Variants in BATF3 observed in about 807,000 individuals in gnomAD.
The protein encoded by BATF3 is basic leucine zipper ATF-like transcription factor 3, also known as basic leucine zipper transcriptional factor ATF-like 3.
Under a neutral mutation model 16.1 loss-of-function variants are expected in BATF3, and 8 were observed. The observed-to-expected ratio is 0.50, with a 90% CI of 0.29 to 0.90. The LOEUF (loss-of-function observed/expected upper bound fraction) is 0.90. Ranked by LOEUF, BATF3 falls within the 40% of genes least tolerant of loss-of-function variation. The pLI is 0.08. For missense variants in BATF3, 139 were observed against 167.0 expected (o/e 0.83, Z 0.92); for synonymous variants, 74 against 72.7 (o/e 1.02, Z -0.09).
intron 2 of BATF3, among the ~76,000 whole-genome samples, chr1:212,694,448 T>C (rs1384559406): frequency 1.3e-5 from 2 of 152,146 alleles, no homozygotes; most frequent in East Asian, 3.9e-4. Flanking sequence ...AATGCCTTGG[T>C]ATTTGTGAAA....
intron 2 of BATF3, among the ~76,000 whole-genome samples, chr1:212,695,684 T>A (rs1351332787): frequency 6.6e-6 from 1 of 151,844 alleles, no homozygotes; most frequent in Non-Finnish European, 1.5e-5. Flanking sequence ...TAAACTAAAA[T>A]CTTTAATTAC....
intron 1 of BATF3, chr1:212,698,211 A>C (rs1278213943): frequency 1.3e-5 from 2 of 152,250 alleles, no homozygotes; most frequent in African/African-American, 4.8e-5. Context: ...TGATAAACAA[A>C]ACCAGAACAT....
At chr1:212,696,628 G>A (rs765771721) in intron 2 of BATF3, among the ~76,000 whole-genome samples, 4 of 152,062 alleles carry the variant, frequency 2.6e-5, no homozygotes, top group Non-Finnish European at 5.9e-5. Flanking sequence ...AGATGTTAGC[G>A]GATTACTTTG....
At chr1:212,694,840 G>A (rs1657087396) in intron 2 of BATF3, among the ~76,000 whole-genome samples, 1 of 152,194 alleles carries the variant, frequency 6.6e-6, no homozygotes, top group Non-Finnish European at 1.5e-5. Context: ...AGAGACCTCA[G>A]TCTCTTTCTA....
At chr1:212,695,790 A>T (rs1311016283) in intron 2 of BATF3, among the ~76,000 whole-genome samples, 1 of 152,236 alleles carries the variant, frequency 6.6e-6, no homozygotes, top group Non-Finnish European at 1.5e-5. Context: ...GGTATGGAGC[A>T]GCTCCACGTC....
chr1:212,691,293 CACAAGTTAGAAAACTG>C (rs1157468632), intron 2 of BATF3, among the ~76,000 whole-genome samples: 1 of 152,188 alleles, frequency 6.6e-6, no homozygotes, highest in African/African-American at 2.4e-5. Flanking sequence ...GACCCCATTT[CACAAGTTAGAAAACTG>C]AAGCTCTGAG....
intron 2 of BATF3, among the ~76,000 whole-genome samples, chr1:212,693,917 CTA>C (rs1428186662): frequency 6.6e-6 from 1 of 152,216 alleles, no homozygotes; most frequent in Non-Finnish European, 1.5e-5. Context: ...GAACCTGCGA[CTA>C]TGTCACCTTA....
chr1:212,697,087 G>A (rs375010561), intron 1 of BATF3, 22 bp from the exon 2 acceptor site: 16 of 1,586,154 alleles, frequency 1.0e-5, no homozygotes, highest in Non-Finnish European at 1.2e-5. Context: ...CACTGGGTGG[G>A]TGTGATGTCG....
Position 212,687,992 on chromosome 1 carries a change from AAAGAAAGGAAGG to A in BATF3, c.196-1025_196-1014del, listed in dbSNP as rs1291455028. On this transcript the variant is annotated intron_variant, in intron 2 of 2. Coordinates refer to ENST00000243440, the MANE Select transcript of BATF3 (RefSeq NM_018664.3). ...AAAAGAAAGAAAGAAAGAAAGAAAG[AAAGAAAGGAAGG>A]AAGGAAGGAAGGAAGGAAGGAAGGA... Among the ~76,000 whole-genome samples, 390 of 130,386 alleles carry A rather than the reference AAAGAAAGGAAGG, an allele frequency of 3.0e-3. 3 individuals are homozygous for A. Among genetic ancestry groups the A allele is most frequent in the Non-Finnish European group, 5.1e-3 (314 of 61,470 alleles). The allele number at this position is 130,386 out of a possible 152,430, so 85.5% of individuals were successfully genotyped here.
intron 2 of BATF3, among the ~76,000 whole-genome samples, chr1:212,695,603 A>G (rs1470845357): frequency 6.6e-6 from 1 of 151,792 alleles, no homozygotes; most frequent in African/African-American, 2.4e-5. Context: ...TGATCATGCC[A>G]TCACACTCCA....
chr1:212,693,235 C>T (rs1381994722), intron 2 of BATF3, among the ~76,000 whole-genome samples: 1 of 152,212 alleles, frequency 6.6e-6, no homozygotes, highest in East Asian at 1.9e-4. Flanking sequence ...GGATTACTCA[C>T]GTGGTGAGTA....
At position 212,699,791 on chromosome 1, in the gene BATF3, C is replaced by CCGCCCCGCCCGCG. The variant is rs1553247761; in HGVS notation, c.-42_-30dup. Reference sequence around the variant, plus strand: ...GGGCGCTCCTCTGGCCCGGCCCGCCCCGCCCCGCCCGCGCGCCCTGCCCGT... The same window carrying CCGCCCCGCCCGCG: ...GGGCGCTCCTCTGGCCCGGCCCGCCCCGCCCCGCCCGCGCGCCCCGCCCGCGCGCCCTGCCCGT... On this transcript the variant is annotated 5_prime_UTR_variant, in exon 1 of 3. Coordinates refer to ENST00000243440, the MANE Select transcript of BATF3 (RefSeq NM_018664.3). The surrounding 1 kb of genome is among the most constrained non-coding windows in gnomAD (Gnocchi z 4.4). The CCGCCCCGCCCGCG allele has an allele frequency of 3.4e-6, 4 of 1,169,422 alleles. No individual in the cohort carries two copies. In the African/African-American group the frequency reaches 4.9e-5, roughly 14 times the overall value. 72.4% of individuals were successfully genotyped at this position (1,169,422 alleles called of 1,614,324 possible).
Position 212,689,355 on chromosome 1 carries a change from G to T in BATF3, c.196-2376C>A, listed in dbSNP as rs1656939452. On this transcript the variant is annotated intron_variant, in intron 2 of 2. Transcript: ENST00000243440. The surrounding 1 kb of genome is among the most constrained non-coding windows in gnomAD (Gnocchi z 4.6). ...AAGAACCAAGGGGTCTGGCGGGGCT[G>T]CCTGTAGGGTCTATCTGAGCCATTC... Among the ~76,000 whole-genome samples the T allele has an allele frequency of 6.6e-6, 1 of 152,144 alleles. No individual in the cohort carries two copies. Among genetic ancestry groups the T allele is most frequent in the Admixed American group, 6.5e-5 (1 of 15,282 alleles).
At chr1:212,694,204 C>A (rs1657072936) in intron 2 of BATF3, among the ~76,000 whole-genome samples, 1 of 152,256 alleles carries the variant, frequency 6.6e-6, no homozygotes, top group South Asian at 2.1e-4. Context: ...TCTCCAGAAC[C>A]TCCAGAAGGA....
chr1:212,696,543 C>A (rs1017499480), intron 2 of BATF3, among the ~76,000 whole-genome samples: 4 of 151,806 alleles, frequency 2.6e-5, no homozygotes, highest in Admixed American at 6.6e-5. Context: ...GAAATTAAAT[C>A]ACAGAGGATT....
chr1:212,687,013 G>C (rs770381929), intron 2 of BATF3, 34 bp from the exon 3 acceptor site: 2 of 1,388,292 alleles, frequency 1.4e-6, no homozygotes, highest in East Asian at 4.6e-5. Context: ...ATCATTTCTG[G>C]TGCAGCGTTC....
intron 2 of BATF3, among the ~76,000 whole-genome samples, chr1:212,688,004 G>GAAAGAAA (rs61321130): frequency 2.5e-5 from 2 of 78,778 alleles, no homozygotes; most frequent in African/African-American, 1.0e-4. Flanking sequence ...AGAAAGGAAG[G>GAAAGAAA]AAGGAAGGAA....
At chr1:212,687,012 G>T in intron 2 of BATF3, 33 bp from the exon 3 acceptor site, 1 of 1,389,426 alleles carries the variant, frequency 7.2e-7, no homozygotes. Flanking sequence ...AATCATTTCT[G>T]GTGCAGCGTT....
chr1:212,687,073 C>G, intron 2 of BATF3, 94 bp from the exon 3 acceptor site: 1 of 804,292 alleles, frequency 1.2e-6, no homozygotes, highest in South Asian at 1.5e-5. Context: ...CCCATGAAAG[C>G]TGTCTCATTA....
Sources: gnomAD v4.1 joint callset for allele counts (sites outside exome capture counted in the v4.1 genomes callset) on GRCh38, gnomAD v4.1.1 for gene constraint, Gnocchi (gnomAD v3.1) non-coding constraint, MANE v1.5 for transcripts, NCBI Gene and HGNC (gene_info 2026-07-23, HGNC 2026-07-21) for gene names.